Variants in PPM1F observed in about 807,000 individuals in gnomAD.
The protein encoded by PPM1F is protein phosphatase 1F.
A neutral mutation model predicts 35.5 loss-of-function variants in PPM1F; 17 were observed. The observed-to-expected ratio is 0.48, with a 90% CI of 0.33 to 0.72. The LOEUF is 0.72. PPM1F is among the 30% of genes least tolerant of loss of function. The pLI is 0.02. For synonymous variants in PPM1F, 241 were observed against 255.5 expected, an observed-to-expected ratio of 0.94 and a Z score of 0.54; for missense variants, 521 against 613.0, an observed-to-expected ratio of 0.85 and a Z score of 1.59.
chr22:21,923,679 C>A (rs2070475552), intron 7 of PPM1F, among the ~76,000 whole-genome samples: 2 of 150,866 alleles, frequency 1.3e-5, no homozygotes, highest in Non-Finnish European at 3.0e-5. Flanking sequence ...GTGAGCTCCC[C>A]CTTTTTTTCT....
chr22:21,934,427 A>G, intron 3 of PPM1F: 1 of 566,156 alleles, frequency 1.8e-6, no homozygotes, highest in Non-Finnish European at 3.1e-6. Context: ...TGCCCCTTGA[A>G]GTCTCCCATC....
chr22:21,929,249 G>A (rs757071330), intron 6 of PPM1F, among the ~76,000 whole-genome samples: 3 of 152,154 alleles, frequency 2.0e-5, no homozygotes, highest in Non-Finnish European at 4.4e-5. Flanking sequence ...AGAGCATGGC[G>A]GCAGGAAAGG....
chr22:21,930,046 C>A (rs571979953), intron 6 of PPM1F, among the ~76,000 whole-genome samples: 2 of 152,290 alleles, frequency 1.3e-5, no homozygotes, highest in East Asian at 3.9e-4. Context: ...AACCTATAAA[C>A]TGATAAGAAA....
chr22:21,946,678 GC>G (rs2070781022), intron 1 of PPM1F: 1 of 152,598 alleles, frequency 6.6e-6, no homozygotes, highest in Admixed American at 6.5e-5. Flanking sequence ...GGCTGCTGGG[GC>G]CACCCAAGGG....
rs1164378866 is a variant in PPM1F at position 21,934,177 on chromosome 22, T to G, written c.405A>C (p.Glu135Asp). 2 of 1,579,364 alleles carry G rather than the reference T, an allele frequency of 1.3e-6. No homozygotes were observed. The highest frequency in any genetic ancestry group is 2.3e-5 in the East Asian group (1 of 43,418). The change falls in exon 4 of 8, where the codon GAA becomes GAC. Residue 135 changes from glutamate to aspartate, a missense_variant. Coordinates refer to ENST00000263212, the MANE Select transcript of PPM1F (RefSeq NM_014634.4). ...CCTGCTTCTGCCACTGGCCGGCGAC[T>G]TCCCAAAGGCGGTTAAAGAAACTCT... Reference protein sequence around the residue: ...LAQSFFNRLWEVAGQWQKQVP... With the variant: ...LAQSFFNRLWDVAGQWQKQVP...
intron 1 of PPM1F, chr22:21,950,553 A>G (rs770340547): frequency 8.5e-5 from 13 of 152,190 alleles, no homozygotes; most frequent in Admixed American, 7.2e-4. Context: ...AAAAAAACCC[A>G]GCAATCCTTA....
At chr22:21,925,725 G>T in intron 6 of PPM1F, 63 bp from the exon 7 acceptor site, 1 of 1,339,596 alleles carries the variant, frequency 7.5e-7, no homozygotes, top group Non-Finnish European at 1.0e-6. Context: ...GCCCCCTGCT[G>T]CTACCTGAGC....
chr22:21,951,293 G>C (rs1203252030), intron 1 of PPM1F: 1 of 151,906 alleles, frequency 6.6e-6, no homozygotes, highest in East Asian at 1.9e-4. Flanking sequence ...GAAGGGTGCA[G>C]TGGGCAGCAG....
intron 6 of PPM1F, among the ~76,000 whole-genome samples, chr22:21,927,418 T>C (rs961641737): frequency 2.6e-4 from 39 of 152,252 alleles, no homozygotes; most frequent in African/African-American, 8.7e-4. Flanking sequence ...CGTGGGAGGC[T>C]CCAGGGAGAA....
intron 7 of PPM1F, among the ~76,000 whole-genome samples, chr22:21,924,715 G>A (rs982051020): frequency 1.2e-4 from 18 of 149,904 alleles, no homozygotes; most frequent in South Asian, 4.2e-4. Flanking sequence ...GATTACAGGC[G>A]CGTGCCACCA....
intron 2 of PPM1F, chr22:21,945,336 C>G (rs544361898): frequency 6.5e-6 from 1 of 153,480 alleles, no homozygotes; most frequent in Non-Finnish European, 1.5e-5. Flanking sequence ...CCATTCTCCA[C>G]AAAAAGAAAG....
At chr22:21,951,824 C>T (rs1289068925) in intron 1 of PPM1F, 1 of 152,262 alleles carries the variant, frequency 6.6e-6, no homozygotes, top group Non-Finnish European at 1.5e-5. Flanking sequence ...AGGTCTCACA[C>T]AGGTGAAAGG....
At position 21,931,259 on chromosome 22, in the gene PPM1F, C is replaced by A. The variant is rs772810530; in HGVS notation, c.780G>T (p.Ala260=). 7 of 1,612,840 alleles carry A rather than the reference C, an allele frequency of 4.3e-6. No homozygotes were observed. In the South Asian group the frequency reaches 6.6e-5, roughly 15 times the overall value. The change falls in exon 6 of 8, where the codon GCG becomes GCT. Residue 260 remains alanine (A), a synonymous_variant. Coordinates refer to ENST00000263212, the MANE Select transcript of PPM1F (RefSeq NM_014634.4). The part of the protein sequence containing the change: ...RLQSGTTGVC[A]LIAGATLHVA... ...CGTGCAGGGTCGCTCCTGCAATGAG[C>A]GCACACACACCTGTGGTGCCGCTCT...
intron 1 of PPM1F, chr22:21,951,325 G>C (rs1225661572): frequency 3.3e-5 from 5 of 150,616 alleles, no homozygotes; most frequent in African/African-American, 1.2e-4. Context: ...AAAAGACTCG[G>C]TTGGCTTCAG....
rs147921198 is a variant in PPM1F at position 21,926,674 on chromosome 22, G to A, written c.892-1012C>T. ...ACAGAGTGACGGAGGCACCCTGGGA[G>A]TGAGGCACCTCCCAAGTCTACTGGG... is the stretch of plus-strand genomic sequence containing the variant. On this transcript the variant is annotated intron_variant, in intron 6 of 7. Transcript: ENST00000263212. Among the ~76,000 whole-genome samples, 3 of 152,318 alleles carry A rather than the reference G, an allele frequency of 2.0e-5. No homozygotes were observed. In the East Asian group the frequency reaches 5.8e-4, roughly 29 times the overall value.
intron 6 of PPM1F, among the ~76,000 whole-genome samples, chr22:21,927,937 G>GTTTTTTTTTTTTTTTTTTTTT (rs1392008034): frequency 7.3e-5 from 5 of 68,106 alleles, no homozygotes; most frequent in Admixed American, 1.6e-4. Flanking sequence ...TCTGTTTTTT[G>GTTTTTTTTTTTTTTTTTTTTT]TTTTGTTTTT....
rs117201350 is a variant in PPM1F at position 21,925,297 on chromosome 22, A to T, written c.985+272T>A. ...ATTGGAAGCTCTACTTCCAGCCCAT[A>T]GGGTGGTGAGCCACAGGTTTCTATG... On this transcript the variant is annotated intron_variant, in intron 7 of 7. Transcript: ENST00000263212. 3,281 of 429,550 alleles carry T rather than the reference A, an allele frequency of 7.6e-3. 66 individuals carry two copies. The highest frequency in any genetic ancestry group is 7.1e-3 in the Non-Finnish European group (1,707 of 241,776). The allele number at this position is 429,550 out of a possible 1,614,324, so 26.6% of individuals were successfully genotyped here.
At chr22:21,928,038 C>T (rs1410344930) in intron 6 of PPM1F, among the ~76,000 whole-genome samples, 1 of 143,008 alleles carries the variant, frequency 7.0e-6, no homozygotes, top group Non-Finnish European at 1.5e-5. Context: ...ACTGCAGCCT[C>T]GACCTCTAGG....
intron 2 of PPM1F, 56 bp downstream of exon 2, chr22:21,945,787 T>A: frequency 6.4e-7 from 1 of 1,556,364 alleles, no homozygotes. Context: ...ACATCCCTTG[T>A]CGGCCCTGGT....
Sources: allele counts gnomAD v4.1 joint callset (sites outside exome capture counted in the v4.1 genomes callset), GRCh38; gene constraint gnomAD v4.1.1; transcripts MANE v1.5; gene names NCBI Gene and HGNC (gene_info 2026-07-23, HGNC 2026-07-21).